Variants in USH2A observed in about 807,000 individuals in gnomAD.
USH2A encodes usherin.
Under a neutral mutation model 538.9 loss-of-function variants are expected in USH2A, and 443 were observed. The ratio of observed to expected loss-of-function variants is 0.82; its 90% CI spans 0.76 to 0.89. USH2A has a LOEUF of 0.89. Among genes scored for constraint, USH2A ranks in the 40% least tolerant of loss-of-function variants. USH2A has a pLI of 0.00. For synonymous variants in USH2A, 2,413 were observed against 2,273.5 expected (o/e 1.06, Z -1.75); for missense variants, 6,633 against 6,324.8 (o/e 1.05, Z -1.65).
chr1:215,938,965 C>A lies in USH2A; in HGVS notation c.7121-4170G>T, dbSNP rs76113699. 3.3e-3 allele frequency among the ~76,000 whole-genome samples: 501 copies of A among 152,266 alleles called. 5 individuals carry two copies. The highest frequency in any genetic ancestry group is 0.012 in the African/African-American group (482 of 41,566). On this transcript the variant is annotated intron_variant, in intron 37 of 71. Transcript: ENST00000307340. Reference sequence around the variant, plus strand: ...TGCTGGGATCACTAGCTTTGACTAGCTTTGGACTATAACATGTTTACTCTA... The same window carrying A: ...TGCTGGGATCACTAGCTTTGACTAGATTTGGACTATAACATGTTTACTCTA...
intron 52 of USH2A, 39 bp downstream of exon 52, chr1:215,786,631 C>A: frequency 6.2e-7 from 1 of 1,605,692 alleles, no homozygotes; most frequent in Non-Finnish European, 8.5e-7. Context: ...TTCTCACTAA[C>A]CCCATTAAGC....
At chr1:215,862,276 A>G (rs939047586) in intron 44 of USH2A, among the ~76,000 whole-genome samples, 1 of 152,228 alleles carries the variant, frequency 6.6e-6, no homozygotes, top group Non-Finnish European at 1.5e-5. Flanking sequence ...GACATGGATG[A>G]AGCTGGAAAC....
At chr1:216,137,551 T>C (rs533383443) in intron 21 of USH2A, among the ~76,000 whole-genome samples, 1 of 152,230 alleles carries the variant, frequency 6.6e-6, no homozygotes, top group African/African-American at 2.4e-5. Context: ...GGAGAGCCAG[T>C]CCAAGTCCCA....
intron 21 of USH2A, among the ~76,000 whole-genome samples, chr1:216,153,113 A>C (rs2033872355): frequency 6.6e-6 from 1 of 152,008 alleles, no homozygotes; most frequent in Non-Finnish European, 1.5e-5. Context: ...ACTGAGAGCC[A>C]CCTCCATCCA....
intron 13 of USH2A, among the ~76,000 whole-genome samples, chr1:216,233,144 C>A (rs1341301918): frequency 6.6e-6 from 1 of 152,126 alleles, no homozygotes; most frequent in Non-Finnish European, 1.5e-5. Context: ...AAATCCAAAT[C>A]TCTCACTCAG....
At chr1:215,940,592 T>G (rs140041455) in intron 37 of USH2A, among the ~76,000 whole-genome samples, 1 of 152,234 alleles carries the variant, frequency 6.6e-6, no homozygotes, top group Admixed American at 6.5e-5. Flanking sequence ...TGGCCTTAAG[T>G]TTTTGACAAT....
chr1:216,391,876 T>C (rs1012683606), intron 3 of USH2A, among the ~76,000 whole-genome samples: 16 of 152,192 alleles, frequency 1.1e-4, no homozygotes, highest in Admixed American at 3.3e-4. Context: ...ATCCCTCTTT[T>C]GTCTGTGCAT....
At chr1:215,992,949 G>A (rs1277551703) in intron 35 of USH2A, 71 bp downstream of exon 35, 2 of 1,602,074 alleles carry the variant, frequency 1.2e-6, no homozygotes, top group African/African-American at 1.3e-5. Flanking sequence ...CCACATATAA[G>A]CTGCCATTTA....
At chr1:216,328,810 G>C (rs1175846955) in intron 4 of USH2A, among the ~76,000 whole-genome samples, 1 of 151,934 alleles carries the variant, frequency 6.6e-6, no homozygotes, top group Non-Finnish European at 1.5e-5. Context: ...GTATGTGTCT[G>C]TGTGTGAGTG....
rs111033435 is a variant in USH2A, at chr1:215,628,905, C to T, written c.15428G>A (p.Arg5143His). ...SLTYSQGSLH[R>H]SVSQLMDIQD... ...AATGTCCATGAGCTGGCTGACGCTG[C>T]GGTGAAGAGAACCCTGGGAGTAGGT... is the stretch of plus-strand genomic sequence containing the variant. The change falls in exon 71 of 72, where the codon CGC becomes CAC. Residue 5143 changes from arginine (R) to histidine (H), a missense_variant. By Grantham distance (29) the Arg-to-His change is conservative (BLOSUM62 0). Coordinates refer to ENST00000307340, the MANE Select transcript of USH2A (RefSeq NM_206933.4). 4,416 of 1,614,096 alleles carry T rather than the reference C, an allele frequency of 2.7e-3. 113 individuals are homozygous for T. In the African/African-American group the frequency reaches 0.052, roughly 19 times the overall value.
chr1:216,273,813 GAA>G (rs71739884), intron 11 of USH2A, among the ~76,000 whole-genome samples: 8,306 of 115,834 alleles, frequency 0.072, 758 homozygotes, highest in African/African-American at 0.23. Context: ...CTCCAATCCA[GAA>G]AAAAAAAAAA....
intron 46 of USH2A, among the ~76,000 whole-genome samples, chr1:215,842,566 C>G (rs1447160092): frequency 1.3e-5 from 2 of 152,176 alleles, no homozygotes; most frequent in African/African-American, 4.8e-5. Flanking sequence ...CCCAAACGTC[C>G]ATCAATTATA....
intron 32 of USH2A, among the ~76,000 whole-genome samples, chr1:216,016,025 G>A (rs1668702356): frequency 1.3e-5 from 2 of 152,158 alleles, no homozygotes; most frequent in Non-Finnish European, 2.9e-5. Context: ...AAAAAAGGAT[G>A]AGTTCATGTC....
chr1:216,304,916 A>C (rs553704079), intron 9 of USH2A, among the ~76,000 whole-genome samples: 1 of 151,958 alleles, frequency 6.6e-6, no homozygotes, highest in South Asian at 2.1e-4. Context: ...AAATGTATTG[A>C]GACTTGTTTT....
intron 34 of USH2A, among the ~76,000 whole-genome samples, chr1:215,995,331 T>A (rs1282485798): frequency 6.6e-6 from 1 of 152,190 alleles, no homozygotes; most frequent in Non-Finnish European, 1.5e-5. Flanking sequence ...ATGAAAGCAT[T>A]TTTCTTGTAA....
intron 36 of USH2A, among the ~76,000 whole-genome samples, chr1:215,969,429 T>C (rs754352108): frequency 6.6e-6 from 1 of 152,186 alleles, no homozygotes; most frequent in Non-Finnish European, 1.5e-5. Flanking sequence ...TATTTAAAGT[T>C]GCCAGAACAT....
chr1:216,330,405 C>T (rs1346874434), intron 4 of USH2A, among the ~76,000 whole-genome samples: 2 of 151,896 alleles, frequency 1.3e-5, no homozygotes, highest in African/African-American at 2.4e-5. Context: ...CCAAGAGAGG[C>T]CTCATTGAGA....
intron 35 of USH2A, among the ~76,000 whole-genome samples, chr1:215,987,066 T>G (rs977207195): frequency 6.6e-6 from 1 of 152,224 alleles, no homozygotes; most frequent in African/African-American, 2.4e-5. Flanking sequence ...AAAACACATA[T>G]TCTAATTAGT....
chr1:216,118,101 T>C (rs535856547), intron 21 of USH2A, among the ~76,000 whole-genome samples: 1 of 152,226 alleles, frequency 6.6e-6, no homozygotes, highest in South Asian at 2.1e-4. Flanking sequence ...TCGTTTAACT[T>C]TTCTACACCT....
Sources: gnomAD v4.1 joint callset for allele counts (sites outside exome capture counted in the v4.1 genomes callset) on GRCh38, gnomAD v4.1.1 for gene constraint, MANE v1.5 for transcripts, NCBI Gene and HGNC (gene_info 2026-07-23, HGNC 2026-07-21) for gene names.